Variants in KCNJ3 observed in about 807,000 individuals in gnomAD.
KCNJ3 encodes the protein G protein-activated inward rectifier potassium channel 1.
In KCNJ3, 4 loss-of-function variants were observed where a neutral mutation model predicts 39.2. The observed-to-expected ratio is 0.10, with a 90% CI of 0.05 to 0.23. The LOEUF is 0.23. Ranked by LOEUF, KCNJ3 falls within the 10% of genes least tolerant of loss-of-function variation. The pLI is 1.00. For missense variants in KCNJ3, 276 were observed against 634.9 expected (o/e 0.43, Z 6.08); for synonymous variants, 230 against 237.4 (o/e 0.97, Z 0.29).
chr2:154,801,020 C>T (rs1026315532), intron 2 of KCNJ3, among the ~76,000 whole-genome samples: 1 of 152,124 alleles, frequency 6.6e-6, no homozygotes, highest in Non-Finnish European at 1.5e-5. Flanking sequence ...TAGCATCTAT[C>T]TTAGACAGTC....
At chr2:154,747,531 G>A (rs1464141522) in intron 2 of KCNJ3, among the ~76,000 whole-genome samples, 4 of 151,950 alleles carry the variant, frequency 2.6e-5, no homozygotes. Context: ...TCCCTTTCCA[G>A]GTAGGCAGGG....
chr2:154,854,764 T>C lies in KCNJ3; in HGVS notation c.957T>C (p.Asp319=). The C allele has an allele frequency of 6.2e-7, 1 of 1,613,574 alleles. No homozygotes were observed. Among genetic ancestry groups the C allele is most frequent in the Non-Finnish European group, 8.5e-7 (1 of 1,179,670 alleles). ...TCQARTSYTE[D]EVLWGHRFFP... is the part of the protein sequence containing the mutation. Reference sequence around the variant, plus strand: ...AAGCTCGAACATCATATACTGAAGATGAAGTTCTTTGGGGTCATCGTTTTT... The same window carrying C: ...AAGCTCGAACATCATATACTGAAGACGAAGTTCTTTGGGGTCATCGTTTTT... Residue 319 remains aspartate, a synonymous_variant, in exon 3 of 3, where the codon GAT becomes GAC. Transcript: ENST00000295101.
intron 2 of KCNJ3, among the ~76,000 whole-genome samples, chr2:154,756,872 A>G (rs553363924): frequency 6.6e-6 from 1 of 152,210 alleles, no homozygotes; most frequent in Non-Finnish European, 1.5e-5. Flanking sequence ...TTTGACACCT[A>G]AGACATTTGT....
At chr2:154,801,550 T>G (rs1205170803) in intron 2 of KCNJ3, among the ~76,000 whole-genome samples, 1 of 151,386 alleles carries the variant, frequency 6.6e-6, no homozygotes, top group Non-Finnish European at 1.5e-5. Context: ...TCTTTCTTTC[T>G]TTTCTTTTCT....
At chr2:154,845,410 C>A (rs187138787) in intron 2 of KCNJ3, among the ~76,000 whole-genome samples, 1 of 152,068 alleles carries the variant, frequency 6.6e-6, no homozygotes, top group South Asian at 2.1e-4. Flanking sequence ...TGAGCCACCA[C>A]ACCGGGCCTG....
chr2:154,851,871 T>C (rs1179289151), intron 2 of KCNJ3, among the ~76,000 whole-genome samples: 2 of 152,192 alleles, frequency 1.3e-5, no homozygotes, highest in Non-Finnish European at 2.9e-5. Context: ...GATTTTATTT[T>C]CCCAATTGTA....
intron 2 of KCNJ3, among the ~76,000 whole-genome samples, chr2:154,782,719 A>C (rs1164740995): frequency 6.6e-6 from 1 of 152,184 alleles, no homozygotes; most frequent in Non-Finnish European, 1.5e-5. Context: ...GTTTTCTCAC[A>C]GTGTTCTACA....
At chr2:154,792,632 C>T (rs1376839620) in intron 2 of KCNJ3, among the ~76,000 whole-genome samples, 1 of 152,100 alleles carries the variant, frequency 6.6e-6, no homozygotes, top group African/African-American at 2.4e-5. Context: ...TTCAATCAAT[C>T]ACTAGTATGT....
In KCNJ3 at chr2:154,854,600, T is replaced by G. The variant is rs1574487992; in HGVS notation, c.920-127T>G. The stretch of plus-strand genomic sequence containing the variant: ...AGAGTACAACTTTTAATCTATTCTA[T>G]TATTCGGGCTTCAGATAAACAGTCC... On this transcript the variant is annotated intron_variant, in intron 2 of 2. Transcript: ENST00000295101. 6.4e-6 allele frequency: 4 copies of G among 622,012 alleles called. No homozygotes were observed. In the East Asian group the frequency reaches 1.1e-4, roughly 17 times the overall value. 38.5% of individuals were successfully genotyped at this position (622,012 alleles called of 1,614,324 possible).
chr2:154,736,422 A>C (rs1397976260), intron 2 of KCNJ3, among the ~76,000 whole-genome samples: 7 of 148,676 alleles, frequency 4.7e-5, no homozygotes, highest in Non-Finnish European at 8.9e-5. Context: ...AAACCTAAAC[A>C]AAAACAAACC....
rs538327467 is a variant in KCNJ3 at position 154,829,670 on chromosome 2, G to A, written c.920-25057G>A. Among the ~76,000 whole-genome samples, 53 of 152,214 alleles carry A rather than the reference G, an allele frequency of 3.5e-4. 1 individual carries two copies. In the South Asian group the frequency reaches 0.01, roughly 30 times the overall value. ...CAGTAAAGGGATGGCTAGGTCATAC[G>A]GTAATTTTAAGTTTTTTGAGGAATT... On this transcript the variant is annotated intron_variant, in intron 2 of 2. Transcript: ENST00000295101.
rs147439310 is a variant in KCNJ3 at position 154,739,556 on chromosome 2, C to T, written c.919+29737C>T. Among the ~76,000 whole-genome samples the T allele has an allele frequency of 5.9e-5, 9 of 152,154 alleles. No individual in the cohort carries two copies. The East Asian group carries it at 1.7e-3, about 29-fold the overall frequency. On this transcript the variant is annotated intron_variant, in intron 2 of 2. Transcript: ENST00000295101. ...CTTCTTCACCTTCGTTTTCATGTAG[C>T]TATAATTTCCTACTCCCCAGAGACT...
intron 2 of KCNJ3, among the ~76,000 whole-genome samples, chr2:154,798,792 A>G (rs139130475): frequency 2.0e-5 from 3 of 152,250 alleles, no homozygotes; most frequent in Admixed American, 1.3e-4. Context: ...AAGGCAGACT[A>G]TTTTGTTGTA....
At chr2:154,705,712 A>G (rs185724088) in intron 1 of KCNJ3, among the ~76,000 whole-genome samples, 19 of 152,306 alleles carry the variant, frequency 1.2e-4, no homozygotes, top group African/African-American at 4.6e-4. Flanking sequence ...CACAACCAAA[A>G]TTGTACAGAA....
At position 154,748,073 on chromosome 2, in the gene KCNJ3, C is replaced by T. The variant is rs1012965286; in HGVS notation, c.919+38254C>T. Among the ~76,000 whole-genome samples, 9 of 152,062 alleles carry T rather than the reference C, an allele frequency of 5.9e-5. No individual in the cohort carries two copies. The East Asian group carries it at 7.8e-4, about 13-fold the overall frequency. ...CCATCTCCCATCCCAAAATATAATG[C>T]ATGACTAGTTTAAAATTTTCTGTCA... On this transcript the variant is annotated intron_variant, in intron 2 of 2. Transcript: ENST00000295101.
intron 2 of KCNJ3, among the ~76,000 whole-genome samples, chr2:154,847,733 T>A (rs1687684178): frequency 6.6e-6 from 1 of 152,222 alleles, no homozygotes; most frequent in Non-Finnish European, 1.5e-5. Context: ...CTCACAATCT[T>A]CTTTTAAAAT....
chr2:154,850,886 A>C (rs530412466), intron 2 of KCNJ3, among the ~76,000 whole-genome samples: 2 of 152,280 alleles, frequency 1.3e-5, no homozygotes, highest in South Asian at 4.1e-4. Context: ...TAAAAGTTGG[A>C]AATATCAGTA....
intron 2 of KCNJ3, among the ~76,000 whole-genome samples, chr2:154,789,731 T>TTACAC (rs1343397279): frequency 6.6e-6 from 1 of 152,014 alleles, no homozygotes; most frequent in Non-Finnish European, 1.5e-5. Context: ...TCTAAAATCT[T>TTACAC]TGTTGATGTT....
At chr2:154,782,594 C>A (rs1024551352) in intron 2 of KCNJ3, among the ~76,000 whole-genome samples, 6 of 151,926 alleles carry the variant, frequency 3.9e-5, no homozygotes, top group African/African-American at 1.5e-4. Flanking sequence ...AATTGAAGGC[C>A]AAATGACATG....
Sources: gnomAD v4.1 joint callset for allele counts (sites outside exome capture counted in the v4.1 genomes callset) on GRCh38, gnomAD v4.1.1 for gene constraint, MANE v1.5 for transcripts, NCBI Gene and HGNC (gene_info 2026-07-23, HGNC 2026-07-21) for gene names.